Variants in LEMD3 observed in about 807,000 individuals in gnomAD.
LEMD3 encodes LEM domain containing 3, also known as inner nuclear membrane protein Man1.
In LEMD3, 33 loss-of-function variants were observed where a neutral mutation model predicts 95.2. The observed-to-expected ratio is 0.35, with a 90% CI of 0.26 to 0.46. The LOEUF (loss-of-function observed/expected upper bound fraction) is 0.46, where lower values mean the gene tolerates loss of function less well. Ranked by LOEUF, LEMD3 falls within the 20% of genes least tolerant of loss-of-function variation. LEMD3 has a pLI of 1.00. For missense variants in LEMD3, 1,210 were observed against 1,192.8 expected (o/e 1.01, Z -0.21); for synonymous variants, 525 against 474.6 (o/e 1.11, Z -1.38).
chr12:65,233,731 CT>C (rs1407952599), intron 4 of LEMD3, among the ~76,000 whole-genome samples: 1 of 152,086 alleles, frequency 6.6e-6, no homozygotes, highest in Non-Finnish European at 1.5e-5. Context: ...GCCTTTTTCC[CT>C]TCTTACTAAC....
intron 4 of LEMD3, among the ~76,000 whole-genome samples, chr12:65,229,772 T>G (rs1870566223): frequency 6.6e-6 from 1 of 152,186 alleles, no homozygotes; most frequent in Non-Finnish European, 1.5e-5. Context: ...TTTGCAAATG[T>G]CCCCCATTCT....
intron 1 of LEMD3, among the ~76,000 whole-genome samples, chr12:65,195,479 A>G (rs1405578874): frequency 1.3e-5 from 2 of 151,894 alleles, no homozygotes; most frequent in Non-Finnish European, 2.9e-5. Flanking sequence ...AAAAGACTGA[A>G]GATTTTTTAT....
chr12:65,232,302 A>G (rs1469872471), intron 4 of LEMD3, among the ~76,000 whole-genome samples: 1 of 152,152 alleles, frequency 6.6e-6, no homozygotes, highest in Non-Finnish European at 1.5e-5. Flanking sequence ...ACATATTTTC[A>G]TGTATTTGCA....
chr12:65,223,091 A>G (rs919532081), intron 4 of LEMD3, among the ~76,000 whole-genome samples: 26 of 152,252 alleles, frequency 1.7e-4, no homozygotes, highest in Non-Finnish European at 3.7e-4. Context: ...TGTGCACTTC[A>G]TAAGAATGTG....
chr12:65,223,938 T>G (rs1870372241), intron 4 of LEMD3, among the ~76,000 whole-genome samples: 1 of 151,926 alleles, frequency 6.6e-6, no homozygotes, highest in Non-Finnish European at 1.5e-5. Context: ...TAAATTATCT[T>G]ATATTCACAG....
Position 65,170,058 on chromosome 12 carries a change from C to G in LEMD3, c.462C>G (p.Ala154=). 6.6e-7 allele frequency: 1 copy of G among 1,511,368 alleles called. No homozygotes were observed. The highest frequency in any genetic ancestry group is 8.8e-7 in the Non-Finnish European group (1 of 1,137,956). 93.6% of individuals were successfully genotyped at this position (1,511,368 alleles called of 1,614,324 possible). The change falls in exon 1 of 13, where the codon GCC becomes GCG. Residue 154 remains alanine (A), a synonymous_variant. Coordinates refer to ENST00000308330, the MANE Select transcript of LEMD3 (RefSeq NM_014319.5). ...TGGAGGCCAGTCCCCGGGACCAGGC[C>G]GGCGGCGGCGGGAGGAAAGACCGGG... is the stretch of plus-strand genomic sequence containing the variant. ...SDVEASPRDQ[A]GGGGRKDRAS...
chr12:65,186,215 A>AT (rs954893834), intron 1 of LEMD3, among the ~76,000 whole-genome samples: 15 of 150,244 alleles, frequency 1.0e-4, no homozygotes, highest in South Asian at 2.1e-4. Context: ...GCCTCAAGAG[A>AT]TTTTTTTTTT....
In LEMD3 at chr12:65,246,488, G is replaced by T; in HGVS notation, c.*163G>T. 1 of 656,680 alleles carries T rather than the reference G, an allele frequency of 1.5e-6. No individual in the cohort carries two copies. Among genetic ancestry groups the T allele is most frequent in the Non-Finnish European group, 2.7e-6 (1 of 370,966 alleles). 40.7% of individuals were successfully genotyped at this position (656,680 alleles called of 1,614,324 possible). A position where few individuals can be genotyped will look rare whatever the true frequency, so the allele number is the denominator to read the frequency against. ...AGGTTCCAAAGGGATTTAGCAGTGA[G>T]GCAGCAATGCTGAGTAGGTAGGATA... is the stretch of plus-strand genomic sequence containing the variant. On this transcript the variant is annotated 3_prime_UTR_variant, in exon 13 of 13. Transcript: ENST00000308330.
chr12:65,237,512 T>C (rs942583843), intron 4 of LEMD3, among the ~76,000 whole-genome samples: 1 of 152,230 alleles, frequency 6.6e-6, no homozygotes, highest in African/African-American at 2.4e-5. Context: ...AGTGAACTTT[T>C]TGTACTCTTG....
intron 4 of LEMD3, among the ~76,000 whole-genome samples, chr12:65,225,747 A>AT (rs1203288773): frequency 1.3e-5 from 2 of 151,978 alleles, no homozygotes; most frequent in African/African-American, 4.8e-5. Flanking sequence ...TGCCCAGCTA[A>AT]TTTTTTGTAT....
In LEMD3 at chr12:65,246,731, A is replaced by G. The variant is rs1321674237; in HGVS notation, c.*406A>G. 5 of 204,502 alleles carry G rather than the reference A, an allele frequency of 2.4e-5. No individual in the cohort carries two copies. Among genetic ancestry groups the G allele is most frequent in the African/African-American group, 1.2e-4 (5 of 42,338 alleles). 12.7% of individuals were successfully genotyped at this position (204,502 alleles called of 1,614,324 possible). A position where few individuals can be genotyped will look rare whatever the true frequency, so the allele number is the denominator to read the frequency against. ...AATTTTTGTATACAGTCACCTGCAT[A>G]GTTCCTACAGGCTAATGTGGTAAAA... On this transcript the variant is annotated 3_prime_UTR_variant, in exon 13 of 13. Coordinates refer to ENST00000308330, the MANE Select transcript of LEMD3 (RefSeq NM_014319.5).
At chr12:65,227,727 T>C (rs1463898306) in intron 4 of LEMD3, among the ~76,000 whole-genome samples, 1 of 97,556 alleles carries the variant, frequency 1.0e-5, no homozygotes, top group African/African-American at 3.7e-5. Context: ...AACATAAGAA[T>C]TTTTGCGATT....
At chr12:65,244,487 A>G (rs1463810318) in intron 10 of LEMD3, among the ~76,000 whole-genome samples, 1 of 152,166 alleles carries the variant, frequency 6.6e-6, no homozygotes, top group Non-Finnish European at 1.5e-5. Flanking sequence ...TCTCACAAGC[A>G]AGACAAATGT....
rs769244916 is a variant in LEMD3, at chr12:65,170,358, C to T, written c.762C>T (p.Cys254=). The T allele has an allele frequency of 8.1e-6, 13 of 1,611,964 alleles. No individual in the cohort carries two copies. The highest frequency in any genetic ancestry group is 5.0e-5 in the Admixed American group (3 of 59,740). The part of the protein sequence containing the change: ...VNGSRLVPYS[C]RENYSDSEEE... Reference sequence around the variant, plus strand: ...GCAGCCGGCTTGTCCCCTACAGCTGCCGGGAAAACTATTCGGACTCAGAGG... The same window carrying T: ...GCAGCCGGCTTGTCCCCTACAGCTGTCGGGAAAACTATTCGGACTCAGAGG... The change falls in exon 1 of 13, where the codon TGC becomes TGT. Residue 254 remains cysteine, a synonymous_variant. Transcript: ENST00000308330.
At chr12:65,180,191 C>T (rs942480688) in intron 1 of LEMD3, among the ~76,000 whole-genome samples, 4 of 152,062 alleles carry the variant, frequency 2.6e-5, no homozygotes, top group Admixed American at 1.3e-4. Context: ...GGTAATCCAC[C>T]TGCCTCGGCC....
chr12:65,180,509 C>T, intron 1 of LEMD3, among the ~76,000 whole-genome samples: 1 of 151,668 alleles, frequency 6.6e-6, no homozygotes, highest in East Asian at 1.9e-4. Flanking sequence ...GAAATTAGCT[C>T]TTCAAAAAGG....
intron 2 of LEMD3, among the ~76,000 whole-genome samples, chr12:65,212,813 G>A (rs1869982898): frequency 6.6e-6 from 1 of 152,156 alleles, no homozygotes; most frequent in African/African-American, 2.4e-5. Context: ...AATTATTAGG[G>A]AAGCCAGTAG....
At chr12:65,206,699 C>T (rs1025714648) in intron 1 of LEMD3, among the ~76,000 whole-genome samples, 1 of 151,916 alleles carries the variant, frequency 6.6e-6, no homozygotes, top group Non-Finnish European at 1.5e-5. Flanking sequence ...TTATGTATCA[C>T]GGAAAATACT....
chr12:65,244,167 A>G lies in LEMD3; in HGVS notation c.2387+698A>G, dbSNP rs193137363. On this transcript the variant is annotated intron_variant, in intron 10 of 12. Transcript: ENST00000308330. ...TTACAATATGTATACAATACCCCCAAAGTCTCATCTAATCACTCATTGATG... is the reference window on the plus strand; with the variant it reads ...TTACAATATGTATACAATACCCCCAGAGTCTCATCTAATCACTCATTGATG... Among the ~76,000 whole-genome samples, 565 of 152,250 alleles carry G rather than the reference A, an allele frequency of 3.7e-3. 3 individuals are homozygous for G. The highest frequency in any genetic ancestry group is 0.013 in the African/African-American group (540 of 41,562).
Sources: allele counts gnomAD v4.1 joint callset (sites outside exome capture counted in the v4.1 genomes callset), GRCh38; gene constraint gnomAD v4.1.1; transcripts MANE v1.5; gene names NCBI Gene and HGNC (gene_info 2026-07-23, HGNC 2026-07-21).